FBN2: variants seen among roughly 807,000 people sequenced by gnomAD.
The protein encoded by FBN2 is fibrillin 2.
FBN2 carries 105 observed loss-of-function variants against 355.6 expected under a neutral mutation model. The observed-to-expected ratio is 0.30, with a 90% CI of 0.25 to 0.35. The LOEUF (loss-of-function observed/expected upper bound fraction) is 0.35, where lower values mean the gene tolerates loss of function less well. FBN2 is among the 10% of genes least tolerant of loss of function. The probability of loss-of-function intolerance (pLI) is 1.00; values close to 1 mark genes in which losing one functional copy is unlikely to be tolerated. For synonymous variants in FBN2, 1,350 were observed against 1,301.2 expected, an observed-to-expected ratio of 1.04 and a Z score of -0.81; for missense variants, 3,280 against 3,758.7, an observed-to-expected ratio of 0.87 and a Z score of 3.33.
At chr5:128,356,837 T>C (rs1751515158) in intron 20 of FBN2, among the ~76,000 whole-genome samples, 2 of 152,158 alleles carry the variant, frequency 1.3e-5, no homozygotes, top group Admixed American at 1.3e-4. Flanking sequence ...AAAGAAAAAA[T>C]AATAAATTCC....
At position 128,349,369 on chromosome 5, in the gene FBN2, A is replaced by G; in HGVS notation, c.2967T>C (p.Asp989=). 1 of 1,614,178 alleles carries G rather than the reference A, an allele frequency of 6.2e-7. No individual in the cohort carries two copies. The highest frequency in any genetic ancestry group is 8.5e-7 in the Non-Finnish European group (1 of 1,180,014). The part of the protein sequence containing the change: ...HCECPEGLTL[D]GTGRVCLDIR... ...TACCCAAACATACACGGCCAGTCCC[A>G]TCCAACGTAAGGCCTTCAGGGCACT... is the stretch of plus-strand genomic sequence containing the variant. The change falls in exon 23 of 65, where the codon GAT becomes GAC. Residue 989 remains aspartate, a synonymous_variant. Coordinates refer to ENST00000262464, the MANE Select transcript of FBN2 (RefSeq NM_001999.4).
At chr5:128,297,002 G>A (rs901194783) in intron 48 of FBN2, among the ~76,000 whole-genome samples, 2 of 152,134 alleles carry the variant, frequency 1.3e-5, no homozygotes, top group African/African-American at 4.8e-5. Flanking sequence ...TCTACACACT[G>A]CTTTGAATGT....
In FBN2 at chr5:128,368,465, T is replaced by C. The variant is rs439226; in HGVS notation, c.2248+717A>G. On this transcript the variant is annotated intron_variant, in intron 16 of 64. Transcript: ENST00000262464. ...ATATACATATATATACACATATATA[T>C]ACATATATATACATATATATACACA... Among the ~76,000 whole-genome samples, 206 of 128,156 alleles carry C rather than the reference T, an allele frequency of 1.6e-3. 1 individual carries two copies. Among genetic ancestry groups the C allele is most frequent in the African/African-American group, 6.2e-3 (168 of 27,170 alleles). 84.1% of individuals were successfully genotyped at this position (128,156 alleles called of 152,430 possible).
chr5:128,463,488 T>A (rs566208661), intron 6 of FBN2, among the ~76,000 whole-genome samples: 1 of 152,298 alleles, frequency 6.6e-6, no homozygotes, highest in East Asian at 1.9e-4. Flanking sequence ...AGTTATATAG[T>A]CATCCCCTTG....
chr5:128,315,979 A>G (rs569994219), intron 36 of FBN2, among the ~76,000 whole-genome samples: 1 of 152,202 alleles, frequency 6.6e-6, no homozygotes, highest in Non-Finnish European at 1.5e-5. Flanking sequence ...TCTAGACAAA[A>G]GAGCTGCTCT....
At chr5:128,330,823 TTC>T in intron 32 of FBN2, 128 bp from the exon 33 acceptor site, 1 of 1,059,966 alleles carries the variant, frequency 9.4e-7, no homozygotes, top group East Asian at 2.6e-5. Context: ...AGGATCACAG[TTC>T]TAATTCGCTA....
At chr5:128,467,444 C>T (rs758336304) in intron 5 of FBN2, among the ~76,000 whole-genome samples, 7 of 151,894 alleles carry the variant, frequency 4.6e-5, no homozygotes, top group Non-Finnish European at 8.8e-5. Context: ...GAATTACTAC[C>T]ATGTAAAATA....
At position 128,309,236 on chromosome 5, in the gene FBN2, C is replaced by T. The variant is rs572393472; in HGVS notation, c.5353+11G>A. 117 of 1,613,842 alleles carry T rather than the reference C, an allele frequency of 7.2e-5. 1 individual carries two copies. In the South Asian group the frequency reaches 8.5e-4, roughly 12 times the overall value. On this transcript the variant is annotated intron_variant, in intron 41 of 64. Transcript: ENST00000262464. ...TGTGGCAGTCAGCAGATGCACGAGC[C>T]GTGTGCTTACCTGTTCCTGGAGTTG...
At chr5:128,343,469 G>A (rs1041114365) in intron 25 of FBN2, among the ~76,000 whole-genome samples, 5 of 152,322 alleles carry the variant, frequency 3.3e-5, no homozygotes, top group Middle Eastern at 3.4e-3. Context: ...AGATGTGGCC[G>A]TGAGGTCAGG....
chr5:128,372,231 C>G (rs1185998641), intron 15 of FBN2, among the ~76,000 whole-genome samples: 1 of 152,138 alleles, frequency 6.6e-6, no homozygotes, highest in Non-Finnish European at 1.5e-5. Context: ...TTCTTCCTTA[C>G]TTACTAAACT....
intron 34 of FBN2, among the ~76,000 whole-genome samples, chr5:128,322,912 G>A (rs10149284): frequency 6.6e-6 from 1 of 152,184 alleles, no homozygotes. Flanking sequence ...AGCATGGAAT[G>A]TTTTTCCATT....
In FBN2 at chr5:128,369,271, G is replaced by A; in HGVS notation, c.2159C>T (p.Pro720Leu). The A allele has an allele frequency of 6.2e-7, 1 of 1,614,046 alleles. No homozygotes were observed. The highest frequency in any genetic ancestry group is 8.5e-7 in the Non-Finnish European group (1 of 1,179,970). The stretch of plus-strand genomic sequence containing the variant: ...GCATTCGGACTTGGTCACTGCACCG[G>A]GGAAAGGACGCACACACACTCCTTT... The part of the protein sequence containing the change: ...IKKGVCVRPF[P>L]GAVTKSECCC... The change falls in exon 16 of 65, where the codon CCC (proline) becomes CTC (leucine). Residue 720 changes from proline to leucine, a missense_variant. Coordinates refer to ENST00000262464, the MANE Select transcript of FBN2 (RefSeq NM_001999.4).
rs374945952 is a variant in FBN2 at position 128,361,978 on chromosome 5, C to T, written c.2429-130G>A. 17 of 932,146 alleles carry T rather than the reference C, an allele frequency of 1.8e-5. No individual in the cohort carries two copies. The East Asian group carries it at 2.4e-4, about 13-fold the overall frequency. The allele number at this position is 932,146 out of a possible 1,614,324, so 57.7% of individuals were successfully genotyped here. ...CTGTGACATAGTCTCTGTATCACAG[C>T]GCACTCTTCATCCTAAGCAAAATAT... On this transcript the variant is annotated intron_variant, in intron 18 of 64. Transcript: ENST00000262464.
At chr5:128,469,222 T>C (rs1328614495) in intron 5 of FBN2, among the ~76,000 whole-genome samples, 2 of 152,096 alleles carry the variant, frequency 1.3e-5, no homozygotes, top group Admixed American at 6.6e-5. Flanking sequence ...CAACGGGGCA[T>C]AAAGTCCAAA....
chr5:128,464,346 T>G (rs1398171353), intron 6 of FBN2, among the ~76,000 whole-genome samples: 1 of 152,216 alleles, frequency 6.6e-6, no homozygotes, highest in Non-Finnish European at 1.5e-5. Flanking sequence ...TGGGTTCAGA[T>G]TCTCATAACT....
At chr5:128,512,206 A>T (rs756310111) in intron 5 of FBN2, among the ~76,000 whole-genome samples, 4 of 152,152 alleles carry the variant, frequency 2.6e-5, no homozygotes, top group Admixed American at 2.0e-4. Context: ...CCATTAGGAC[A>T]ATTTTATCTA....
intron 6 of FBN2, among the ~76,000 whole-genome samples, chr5:128,455,990 C>CAAAAAAAA (rs70997371): frequency 0.013 from 321 of 25,270 alleles, 109 homozygotes; most frequent in African/African-American, 0.023. Flanking sequence ...GGGTTAGCAA[C>CAAAAAAAA]AAAAAAAAAA....
intron 20 of FBN2, among the ~76,000 whole-genome samples, chr5:128,353,990 C>T (rs1271697057): frequency 6.6e-6 from 1 of 152,172 alleles, no homozygotes; most frequent in Non-Finnish European, 1.5e-5. Context: ...TCCATCCTCC[C>T]TCCCTGTCTC....
intron 20 of FBN2, among the ~76,000 whole-genome samples, chr5:128,355,822 C>T (rs1441093712): frequency 6.6e-6 from 1 of 152,182 alleles, no homozygotes. Context: ...ACACAATACA[C>T]TGGCTGAGAA....
Sources: gnomAD v4.1 joint callset for allele counts (sites outside exome capture counted in the v4.1 genomes callset) on GRCh38, gnomAD v4.1.1 for gene constraint, MANE v1.5 for transcripts, NCBI Gene and HGNC (gene_info 2026-07-23, HGNC 2026-07-21) for gene names.